TTC21B: variants seen among roughly 807,000 people sequenced by gnomAD.
TTC21B encodes tetratricopeptide repeat protein 21B.
TTC21B carries 127 observed loss-of-function variants against 175.1 expected under a neutral mutation model. That is an observed-to-expected ratio of 0.73 (90% CI 0.63 to 0.84). TTC21B has a LOEUF of 0.84. Ranked by LOEUF, TTC21B falls within the 40% of genes least tolerant of loss-of-function variation. The pLI, the probability that TTC21B is intolerant of heterozygous loss-of-function variation, is 0.00. For missense variants in TTC21B, 1,561 were observed against 1,558.3 expected (o/e 1.00, Z -0.03); for synonymous variants, 524 against 524.5 (o/e 1.00, Z 0.01).
chr2:165,912,647 A>G (rs1270793062), intron 16 of TTC21B, 23 bp from the exon 17 acceptor site: 1 of 1,585,432 alleles, frequency 6.3e-7, no homozygotes, highest in Admixed American at 1.7e-5. Context: ...GACACAAAAA[A>G]TAAGCAATAA....
intron 22 of TTC21B, among the ~76,000 whole-genome samples, chr2:165,893,327 T>C (rs1163750997): frequency 6.6e-6 from 1 of 152,148 alleles, no homozygotes; most frequent in African/African-American, 2.4e-5. Flanking sequence ...GAAGCTATAT[T>C]GGATTAAGCA....
At chr2:165,945,043 CAT>C (rs1687500495) in intron 4 of TTC21B, among the ~76,000 whole-genome samples, 2 of 152,334 alleles carry the variant, frequency 1.3e-5, no homozygotes, top group South Asian at 2.1e-4. Context: ...ACTTTAATCA[CAT>C]ATCTCTCATA....
At chr2:165,893,939 A>G (rs1685277820) in intron 22 of TTC21B, among the ~76,000 whole-genome samples, 1 of 152,224 alleles carries the variant, frequency 6.6e-6, no homozygotes, top group African/African-American at 2.4e-5. Context: ...CCATATTATT[A>G]TTAAAATAAT....
At chr2:165,905,436 T>C (rs1685694404) in intron 19 of TTC21B, among the ~76,000 whole-genome samples, 1 of 151,860 alleles carries the variant, frequency 6.6e-6, no homozygotes, top group African/African-American at 2.4e-5. Context: ...ACACGTAAAA[T>C]TGAAAGTAAA....
intron 15 of TTC21B, 69 bp downstream of exon 15, chr2:165,915,130 TAA>T: frequency 1.6e-6 from 2 of 1,247,872 alleles, no homozygotes; most frequent in Non-Finnish European, 2.3e-6. Flanking sequence ...GAAAGAAAGT[TAA>T]AAAAAAATTG....
intron 6 of TTC21B, among the ~76,000 whole-genome samples, chr2:165,938,057 A>T (rs1687224519): frequency 6.6e-6 from 1 of 152,078 alleles, no homozygotes; most frequent in African/African-American, 2.4e-5. Flanking sequence ...GAACAACTTG[A>T]AGAAGCTCCT....
intron 11 of TTC21B, among the ~76,000 whole-genome samples, chr2:165,926,944 C>T (rs577081815): frequency 7.3e-6 from 1 of 136,564 alleles, no homozygotes; most frequent in Admixed American, 7.9e-5. Flanking sequence ...AGTTAATATT[C>T]TTTAATAAAC....
chr2:165,914,071 TA>T lies in TTC21B; in HGVS notation c.2139-426del, dbSNP rs940778029. On this transcript the variant is annotated intron_variant, in intron 15 of 28. Transcript: ENST00000243344. ...AATTATATGCTGAAATAAATTACCT[TA>T]AAAAAATACAAAATCTTCTATTTCA... Among the ~76,000 whole-genome samples, 70 of 152,262 alleles carry T rather than the reference TA, an allele frequency of 4.6e-4. 1 individual carries two copies. The highest frequency in any genetic ancestry group is 4.4e-5 in the Non-Finnish European group (3 of 68,006).
intron 13 of TTC21B, 37 bp downstream of exon 13, chr2:165,919,239 G>A (rs776490124): frequency 1.2e-6 from 2 of 1,608,002 alleles, no homozygotes; most frequent in Non-Finnish European, 1.7e-6. Flanking sequence ...TTCAAGGAGG[G>A]TGATATGTCT....
intron 11 of TTC21B, 135 bp downstream of exon 11, chr2:165,929,000 A>G (rs1686780994): frequency 1.2e-6 from 1 of 802,994 alleles, no homozygotes; most frequent in Admixed American, 2.1e-5. Flanking sequence ...ATTAAAAGCG[A>G]TTTCAACTAA....
At chr2:165,897,667 G>C (rs560858867) in intron 22 of TTC21B, among the ~76,000 whole-genome samples, 1 of 152,250 alleles carries the variant, frequency 6.6e-6, no homozygotes, top group South Asian at 2.1e-4. Context: ...GGGATATAAA[G>C]CCACGCACCT....
At chr2:165,926,735 A>G (rs2105338388) in intron 11 of TTC21B, among the ~76,000 whole-genome samples, 1 of 152,092 alleles carries the variant, frequency 6.6e-6, no homozygotes, top group Non-Finnish European at 1.5e-5. Context: ...ATCAGCTGCC[A>G]GCATGGCTGG....
intron 6 of TTC21B, among the ~76,000 whole-genome samples, chr2:165,939,831 G>GT (rs2105358593): frequency 6.6e-6 from 1 of 152,166 alleles, no homozygotes; most frequent in East Asian, 1.9e-4. Context: ...TCTAGTGCAA[G>GT]TAGTGGGTAA....
intron 28 of TTC21B, among the ~76,000 whole-genome samples, chr2:165,875,706 C>G (rs1452556855): frequency 1.3e-5 from 2 of 152,222 alleles, no homozygotes; most frequent in East Asian, 3.9e-4. Flanking sequence ...GACACATTCA[C>G]AAGAACTTCT....
At chr2:165,913,146 C>T (rs1686018377) in intron 16 of TTC21B, among the ~76,000 whole-genome samples, 1 of 152,004 alleles carries the variant, frequency 6.6e-6, no homozygotes, top group African/African-American at 2.4e-5. Context: ...TCAAGTAATT[C>T]TCCTGCCTCA....
At chr2:165,920,359 C>A (rs1686341610) in intron 12 of TTC21B, among the ~76,000 whole-genome samples, 1 of 152,118 alleles carries the variant, frequency 6.6e-6, no homozygotes, top group South Asian at 2.1e-4. Flanking sequence ...TGAAAATGTT[C>A]TTCTCAGAGA....
chr2:165,907,606 C>T, intron 19 of TTC21B, 72 bp downstream of exon 19: 1 of 998,172 alleles, frequency 1.0e-6, no homozygotes, highest in Admixed American at 1.8e-5. Flanking sequence ...TTGCTTTCCT[C>T]TTATACATGG....
intron 1 of TTC21B, among the ~76,000 whole-genome samples, chr2:165,952,555 C>T (rs931255673): frequency 8.5e-5 from 13 of 152,062 alleles, no homozygotes; most frequent in African/African-American, 3.1e-4. Flanking sequence ...AACCTCAAGT[C>T]TAAGTAATGA....
intron 19 of TTC21B, among the ~76,000 whole-genome samples, chr2:165,906,533 T>A (rs1559050920): frequency 6.6e-6 from 1 of 152,056 alleles, no homozygotes; most frequent in Non-Finnish European, 1.5e-5. Flanking sequence ...ATAAACTGAG[T>A]ACTTAAAAAA....
Sources: gnomAD v4.1 joint callset for allele counts (sites outside exome capture counted in the v4.1 genomes callset) on GRCh38, gnomAD v4.1.1 for gene constraint, MANE v1.5 for transcripts, NCBI Gene and HGNC (gene_info 2026-07-23, HGNC 2026-07-21) for gene names.